The following CDHR3 variants were observed in gnomAD, a reference collection of about 807,000 sequenced individuals.
CDHR3 encodes cadherin related family member 3.
Under a neutral mutation model 86.6 loss-of-function variants are expected in CDHR3, and 79 were observed. That is an observed-to-expected ratio of 0.91 (90% CI 0.76 to 1.10). The LOEUF is 1.10. Ranked by LOEUF, CDHR3 falls within the 50% of genes least tolerant of loss-of-function variation. The probability of loss-of-function intolerance (pLI) is 0.00; values close to 1 mark genes in which losing one functional copy is unlikely to be tolerated. For synonymous variants in CDHR3, 421 were observed against 402.4 expected (o/e 1.05, Z -0.55); for missense variants, 1,081 against 1,077.6 (o/e 1.00, Z -0.04).
At chr7:105,993,890 C>T (rs1057487456) in intron 4 of CDHR3, among the ~76,000 whole-genome samples, 2 of 152,048 alleles carry the variant, frequency 1.3e-5, no homozygotes, top group African/African-American at 4.8e-5. Context: ...CCTATCAGAT[C>T]AAGGAGATCT....
chr7:105,974,259 C>T (rs984688765), intron 1 of CDHR3, among the ~76,000 whole-genome samples: 5 of 152,182 alleles, frequency 3.3e-5, no homozygotes, highest in African/African-American at 1.2e-4. Flanking sequence ...GTTAATCTAC[C>T]AACCAAGAGG....
At chr7:106,019,334 G>A (rs570814899) in intron 12 of CDHR3, among the ~76,000 whole-genome samples, 86 of 151,756 alleles carry the variant, frequency 5.7e-4, no homozygotes, top group Non-Finnish European at 9.4e-4. Context: ...GATGTGCAAG[G>A]TTTGGCATTG....
Position 106,035,822 on chromosome 7 carries a change from A to G in CDHR3, c.*3125A>G, listed in dbSNP as rs1053123062. 3.9e-5 allele frequency: 6 copies of G among 152,298 alleles called. No individual in the cohort carries two copies. Among genetic ancestry groups the G allele is most frequent in the Middle Eastern group, 3.4e-3 (1 of 294 alleles). 9.4% of individuals were successfully genotyped at this position (152,298 alleles called of 1,614,324 possible). On this transcript the variant is annotated 3_prime_UTR_variant, in exon 19 of 19. Coordinates refer to ENST00000317716, the MANE Select transcript of CDHR3 (RefSeq NM_152750.5). ...AATCAGAGGCTAAGGTGAAGTTACA[A>G]CGTTGCAACGAAGACTCGGCTGGCA...
At chr7:105,969,122 C>A (rs1281029295) in intron 1 of CDHR3, among the ~76,000 whole-genome samples, 2 of 131,478 alleles carry the variant, frequency 1.5e-5, no homozygotes, top group African/African-American at 5.6e-5. Flanking sequence ...GTGGGCCGGG[C>A]GTGGTGGCTC....
At chr7:106,029,165 G>A (rs913286476) in intron 17 of CDHR3, among the ~76,000 whole-genome samples, 1 of 152,020 alleles carries the variant, frequency 6.6e-6, no homozygotes, top group South Asian at 2.1e-4. Flanking sequence ...ATTATTAGTA[G>A]AGATGGGGTT....
chr7:106,013,118 T>C (rs1835067319), intron 9 of CDHR3, 87 bp downstream of exon 9: 1 of 1,273,232 alleles, frequency 7.9e-7, no homozygotes, highest in Non-Finnish European at 1.1e-6. Context: ...AGAGAGAAAT[T>C]TCCAAGGTAA....
At chr7:106,009,996 G>A (rs981279430) in intron 8 of CDHR3, among the ~76,000 whole-genome samples, 7 of 152,172 alleles carry the variant, frequency 4.6e-5, no homozygotes, top group African/African-American at 1.7e-4. Context: ...CAAGTTAGGC[G>A]TTTAGGGGAA....
At chr7:106,008,084 A>C (rs144619302) in intron 8 of CDHR3, among the ~76,000 whole-genome samples, 17 of 152,314 alleles carry the variant, frequency 1.1e-4, no homozygotes, top group African/African-American at 3.1e-4. Context: ...CATGGGACTT[A>C]GTCACTATCA....
chr7:106,032,755 T>G lies in CDHR3; in HGVS notation c.*58T>G, dbSNP rs1042564339. ...AGATGCTGCCTCACCCTAAATTCTA[T>G]GGGGATGGTGTGGGCATGGTGTAGG... is the stretch of plus-strand genomic sequence containing the variant. On this transcript the variant is annotated 3_prime_UTR_variant, in exon 19 of 19. Coordinates refer to ENST00000317716, the MANE Select transcript of CDHR3 (RefSeq NM_152750.5). 2 of 1,513,702 alleles carry G rather than the reference T, an allele frequency of 1.3e-6. No homozygotes were observed. Among genetic ancestry groups the G allele is most frequent in the African/African-American group, 1.4e-5 (1 of 72,618 alleles). The allele number at this position is 1,513,702 out of a possible 1,614,324, so 93.8% of individuals were successfully genotyped here.
intron 15 of CDHR3, among the ~76,000 whole-genome samples, chr7:106,025,231 C>T (rs56235770): frequency 0.19 from 28,375 of 152,084 alleles, 2,822 homozygotes; most frequent in Middle Eastern, 0.24. Context: ...GAGCCAAGCT[C>T]CTTGATTCTC....
In CDHR3 at chr7:106,020,453, T is replaced by C. The variant is rs772651262; in HGVS notation, c.1734T>C (p.Asp578=). ...PNSYFLALPV[D]LKVGTNIQNF... is the part of the protein sequence containing the mutation. ...CTTATTTCCTGGCCCTCCCAGTGGA[T>C]CTGAAAGTTGGCACAAATATTCAGA... The change falls in exon 13 of 19, where the codon GAT becomes GAC. Residue 578 remains aspartate (D), a synonymous_variant. Coordinates refer to ENST00000317716, the MANE Select transcript of CDHR3 (RefSeq NM_152750.5). 2.5e-6 allele frequency: 4 copies of C among 1,613,880 alleles called. No homozygotes were observed. The highest frequency in any genetic ancestry group is 3.4e-6 in the Non-Finnish European group (4 of 1,179,896).
rs557168805 is a variant in CDHR3 at position 106,030,589 on chromosome 7, T to C, written c.2305-203T>C. Among the ~76,000 whole-genome samples the C allele has an allele frequency of 6.6e-6, 1 of 152,268 alleles. No homozygotes were observed. The highest frequency in any genetic ancestry group is 2.1e-4 in the South Asian group (1 of 4,824). On this transcript the variant is annotated intron_variant, in intron 17 of 18. Transcript: ENST00000317716. This position sits in a 1 kb window ranked among gnomAD's most constrained non-coding sequence, Gnocchi z 4.8. ...TTATTACTCTGCATTGCAGCACCTGTTTGTAATTGGCAAGCTTTGTACAGG... is the reference window on the plus strand; with the variant it reads ...TTATTACTCTGCATTGCAGCACCTGCTTGTAATTGGCAAGCTTTGTACAGG...
rs1838650119 is a variant in CDHR3, at chr7:106,033,415, G to T, written c.*718G>T. On this transcript the variant is annotated 3_prime_UTR_variant, in exon 19 of 19. Coordinates refer to ENST00000317716, the MANE Select transcript of CDHR3 (RefSeq NM_152750.5). ...TCTATTCTACACTTGGGTGGCAGCT[G>T]CTTCAGATTTTTTACTTTTAAAAAA... The T allele has an allele frequency of 6.6e-6, 1 of 152,206 alleles. No individual in the cohort carries two copies. Among genetic ancestry groups the T allele is most frequent in the Non-Finnish European group, 1.5e-5 (1 of 68,038 alleles). 9.4% of individuals were successfully genotyped at this position (152,206 alleles called of 1,614,324 possible).
intron 2 of CDHR3, among the ~76,000 whole-genome samples, chr7:105,978,281 C>T (rs1358279585): frequency 6.6e-6 from 1 of 152,138 alleles, no homozygotes; most frequent in Non-Finnish European, 1.5e-5. Flanking sequence ...GCTTAAGAGG[C>T]CAGGGAAGAG....
At chr7:106,032,248 C>A in intron 18 of CDHR3, 145 bp from the exon 19 acceptor site, 1 of 790,998 alleles carries the variant, frequency 1.3e-6, no homozygotes, top group Non-Finnish European at 2.0e-6. Flanking sequence ...GCTATTCACA[C>A]ACCTACTGTC....
At chr7:105,971,021 G>C (rs1827871203) in intron 1 of CDHR3, among the ~76,000 whole-genome samples, 2 of 151,922 alleles carry the variant, frequency 1.3e-5, no homozygotes, top group African/African-American at 4.8e-5. Flanking sequence ...GGTGCCTGTG[G>C]TCCCAGCTGC....
chr7:106,026,719 T>C lies in CDHR3; in HGVS notation c.2272+24T>C, dbSNP rs1473178121. On this transcript the variant is annotated intron_variant, in intron 16 of 18. Transcript: ENST00000317716. ...AGGTATGTACAGTACCTGTTTCCCT[T>C]GTCTGTTGTTTTTTGCTTGCTCTGT... 35 of 1,613,454 alleles carry C rather than the reference T, an allele frequency of 2.2e-5. No individual in the cohort carries two copies. In the East Asian group the frequency reaches 7.4e-4, roughly 34 times the overall value.
In CDHR3 at chr7:105,972,522, G is replaced by A. The variant is rs545415700; in HGVS notation, c.47-2322G>A. Among the ~76,000 whole-genome samples the A allele has an allele frequency of 4.1e-4, 62 of 152,174 alleles. 1 individual carries two copies. Among genetic ancestry groups the A allele is most frequent in the African/African-American group, 1.4e-3 (58 of 41,524 alleles). On this transcript the variant is annotated intron_variant, in intron 1 of 18. Transcript: ENST00000317716. The stretch of plus-strand genomic sequence containing the variant: ...TGTCCTTGTCTTGCTAAACAGTGAG[G>A]GAACACTCTCATGAACAGCTCAGAG...
At chr7:105,988,653 C>G (rs1220435713) in intron 4 of CDHR3, among the ~76,000 whole-genome samples, 2 of 152,174 alleles carry the variant, frequency 1.3e-5, no homozygotes, top group East Asian at 1.9e-4. Context: ...TTGCTCCCTT[C>G]TTTTTAGTGA....
Sources: allele counts gnomAD v4.1 joint callset (sites outside exome capture counted in the v4.1 genomes callset), GRCh38; gene constraint gnomAD v4.1.1; non-coding constraint Gnocchi (gnomAD v3.1); transcripts MANE v1.5; gene names NCBI Gene and HGNC (gene_info 2026-07-23, HGNC 2026-07-21).